Variants in ASIC2 observed in about 807,000 individuals in gnomAD.
The protein encoded by ASIC2 is acid-sensing ion channel 2.
In ASIC2, 25 loss-of-function variants were observed where a neutral mutation model predicts 57.3. That is an observed-to-expected ratio of 0.44 (90% CI 0.32 to 0.61). The LOEUF (loss-of-function observed/expected upper bound fraction) is 0.61, where lower values mean the gene tolerates loss of function less well. Among genes scored for constraint, ASIC2 ranks in the 20% least tolerant of loss-of-function variants. The pLI, the probability that ASIC2 is intolerant of heterozygous loss-of-function variation, is 0.06. For missense variants in ASIC2, 641 were observed against 738.1 expected, an observed-to-expected ratio of 0.87 and a Z score of 1.52; for synonymous variants, 319 against 307.5, an observed-to-expected ratio of 1.04 and a Z score of -0.39.
intron 1 of ASIC2, among the ~76,000 whole-genome samples, chr17:33,210,112 T>C (rs1907214893): frequency 6.6e-6 from 1 of 152,106 alleles, no homozygotes. Flanking sequence ...AAAGAAAGTT[T>C]CTGAGTGGCC....
At chr17:34,101,190 T>C (rs1029347274) in intron 1 of ASIC2, among the ~76,000 whole-genome samples, 4 of 152,216 alleles carry the variant, frequency 2.6e-5, no homozygotes, top group African/African-American at 9.6e-5. Context: ...TCCTCGACTC[T>C]GTAAATGGCT....
chr17:33,955,957 G>T (rs548189366), intron 1 of ASIC2, among the ~76,000 whole-genome samples: 1 of 152,264 alleles, frequency 6.6e-6, no homozygotes, highest in South Asian at 2.1e-4. Context: ...GCCTGGGATA[G>T]TTCCTATCTC....
chr17:33,645,398 CT>C (rs1906709020), intron 1 of ASIC2, among the ~76,000 whole-genome samples: 1 of 152,170 alleles, frequency 6.6e-6, no homozygotes, highest in Admixed American at 6.5e-5. Flanking sequence ...TGGCTCAAGA[CT>C]TTTTGGCTCT....
chr17:33,397,095 G>A (rs1910104379), intron 1 of ASIC2, among the ~76,000 whole-genome samples: 1 of 152,190 alleles, frequency 6.6e-6, no homozygotes, highest in Non-Finnish European at 1.5e-5. Context: ...TATTAAGGAA[G>A]CACAGGTCCT....
intron 1 of ASIC2, among the ~76,000 whole-genome samples, chr17:33,662,658 A>AATAC (rs1860076061): frequency 6.8e-6 from 1 of 146,066 alleles, no homozygotes; most frequent in East Asian, 2.1e-4. Context: ...TAAATAAATA[A>AATAC]ATAAATAAAT....
Position 33,940,884 on chromosome 17 carries a change from C to T in ASIC2, c.555+215094G>A, listed in dbSNP as rs559034982. On this transcript the variant is annotated intron_variant, in intron 1 of 9. Coordinates refer to the ASIC2 transcript ENST00000359872. ...CATATGACCGCCCCGTGGCCTGCTC[C>T]CTAGAAAACAGAAAGAAAGCCAGGG... Among the ~76,000 whole-genome samples the T allele has an allele frequency of 2.0e-5, 3 of 152,340 alleles. No homozygotes were observed. The East Asian group carries it at 5.8e-4, about 29-fold the overall frequency.
At chr17:33,823,063 G>A (rs1336529589) in intron 1 of ASIC2, among the ~76,000 whole-genome samples, 1 of 152,168 alleles carries the variant, frequency 6.6e-6, no homozygotes, top group African/African-American at 2.4e-5. Flanking sequence ...CTCTACTAGT[G>A]ACTTTCTCTG....
intron 1 of ASIC2, among the ~76,000 whole-genome samples, chr17:33,734,241 C>T (rs530122557): frequency 6.6e-6 from 1 of 152,040 alleles, no homozygotes; most frequent in Non-Finnish European, 1.5e-5. Context: ...ACTAGCCCTT[C>T]CCTCCTGTGT....
chr17:33,594,743 A>G (rs974094536), intron 1 of ASIC2, among the ~76,000 whole-genome samples: 4 of 151,576 alleles, frequency 2.6e-5, no homozygotes, highest in Non-Finnish European at 5.9e-5. Context: ...CAGGAGAATG[A>G]CGTGAACCCG....
chr17:33,057,331 A>G (rs898700755), intron 3 of ASIC2, among the ~76,000 whole-genome samples: 3 of 152,198 alleles, frequency 2.0e-5, no homozygotes, highest in Admixed American at 2.0e-4. Context: ...TATACTTCAA[A>G]TATTATTGTG....
At chr17:33,521,879 G>A (rs1317626337) in intron 1 of ASIC2, among the ~76,000 whole-genome samples, 1 of 152,172 alleles carries the variant, frequency 6.6e-6, no homozygotes, top group Admixed American at 6.5e-5. Flanking sequence ...TGTTCCTCTG[G>A]GTGTGCATGG....
chr17:33,796,680 C>T (rs1479962935), intron 1 of ASIC2, among the ~76,000 whole-genome samples: 3 of 152,218 alleles, frequency 2.0e-5, no homozygotes, highest in Non-Finnish European at 4.4e-5. Flanking sequence ...GCCAGAAACG[C>T]TCTTTCCCTT....
chr17:33,256,743 G>T (rs1909093405), intron 1 of ASIC2, among the ~76,000 whole-genome samples: 1 of 152,072 alleles, frequency 6.6e-6, no homozygotes, highest in Non-Finnish European at 1.5e-5. Flanking sequence ...GAGGCAGGAG[G>T]ATCACTTGAA....
intron 1 of ASIC2, among the ~76,000 whole-genome samples, chr17:34,056,793 A>G (rs1908780835): frequency 6.6e-6 from 1 of 152,162 alleles, no homozygotes; most frequent in African/African-American, 2.4e-5. Context: ...CTGACTTTTC[A>G]CCTGATCTCC....
At chr17:33,681,956 A>C (rs916344843) in intron 1 of ASIC2, among the ~76,000 whole-genome samples, 1 of 151,382 alleles carries the variant, frequency 6.6e-6, no homozygotes, top group Non-Finnish European at 1.5e-5. Flanking sequence ...TCTGCCCCTC[A>C]CTTTCTCATT....
intron 9 of ASIC2, among the ~76,000 whole-genome samples, chr17:33,014,774 T>C (rs2091796943): frequency 6.6e-6 from 1 of 152,138 alleles, no homozygotes; most frequent in Non-Finnish European, 1.5e-5. Context: ...GAAGAGGCTG[T>C]GACGCTGAGA....
In ASIC2 at chr17:33,976,337, T is replaced by C. The variant is rs531313605; in HGVS notation, c.555+179641A>G. On this transcript the variant is annotated intron_variant, in intron 1 of 9. Transcript: ENST00000359872. ...CCTTTATTTCCATAGTCTCATATAGTGAGTCCAGCTGTACACTCAGGGACT... is the reference window on the plus strand; with the variant it reads ...CCTTTATTTCCATAGTCTCATATAGCGAGTCCAGCTGTACACTCAGGGACT... Among the ~76,000 whole-genome samples the C allele has an allele frequency of 1.2e-4, 18 of 152,234 alleles. 2 individuals are homozygous for C. In the South Asian group the frequency reaches 3.7e-3, roughly 32 times the overall value.
chr17:33,743,145 T>C lies in ASIC2; in HGVS notation c.555+412833A>G, dbSNP rs146069660. On this transcript the variant is annotated intron_variant, in intron 1 of 9. Coordinates refer to the ASIC2 transcript ENST00000359872. ...GCATGAGGGGCTCTGTTGGTCTACTTCTCAGCAAAACAAGCAACACTGGTG... is the reference window on the plus strand; with the variant it reads ...GCATGAGGGGCTCTGTTGGTCTACTCCTCAGCAAAACAAGCAACACTGGTG... 1.8e-3 allele frequency among the ~76,000 whole-genome samples: 277 copies of C among 152,332 alleles called. 1 individual carries two copies. Among genetic ancestry groups the C allele is most frequent in the Middle Eastern group, 0.014 (4 of 294 alleles).
At chr17:34,028,312 G>A (rs1907454684) in intron 1 of ASIC2, among the ~76,000 whole-genome samples, 1 of 152,190 alleles carries the variant, frequency 6.6e-6, no homozygotes, top group African/African-American at 2.4e-5. Context: ...AGTTCTTGCT[G>A]CAAATTAAAG....
Sources: gnomAD v4.1 joint callset for allele counts (sites outside exome capture counted in the v4.1 genomes callset) on GRCh38, gnomAD v4.1.1 for gene constraint, MANE v1.5 for transcripts, NCBI Gene and HGNC (gene_info 2026-07-23, HGNC 2026-07-21) for gene names.